The following LYSMD1 variants were observed in gnomAD, a reference collection of about 807,000 sequenced individuals.
The protein encoded by LYSMD1 is LysM domain containing 1.
In LYSMD1, 9 loss-of-function variants were observed where a neutral mutation model predicts 19.3. The observed-to-expected ratio is 0.47, with a 90% CI of 0.28 to 0.81. LYSMD1 has a LOEUF of 0.81. Ranked by LOEUF, LYSMD1 falls within the 40% of genes least tolerant of loss-of-function variation. The pLI, the probability that LYSMD1 is intolerant of heterozygous loss-of-function variation, is 0.11. For synonymous variants in LYSMD1, 111 were observed against 111.7 expected (o/e 0.99, Z 0.04); for missense variants, 262 against 279.8 (o/e 0.94, Z 0.45).
At position 151,161,776 on chromosome 1, in the gene LYSMD1, T is replaced by C. The variant is rs1202081069; in HGVS notation, c.505A>G (p.Lys169Glu). The C allele has an allele frequency of 1.2e-6, 2 of 1,612,864 alleles. No homozygotes were observed. Among genetic ancestry groups the C allele is most frequent in the South Asian group, 2.2e-5 (2 of 90,868 alleles). Residue 169 changes from lysine to glutamate, a missense_variant, in exon 2 of 3, where the codon AAG becomes GAG. By Grantham distance (56) the Lys-to-Glu change is moderately conservative. Coordinates refer to ENST00000368908, the MANE Select transcript of LYSMD1 (RefSeq NM_212551.5). ...TTCAGCTTCTGAGCAGCAGCCTTCT[T>C]GGACAGGCTGATCTGTGAATCAAGC... ...KKLDSQISLS[K>E]KAAAQKLKKG...
chr1:151,164,981 G>C, intron 1 of LYSMD1, 98 bp downstream of exon 1: 1 of 1,016,972 alleles, frequency 9.8e-7, no homozygotes, highest in East Asian at 2.5e-5. Flanking sequence ...AACACATTAG[G>C]AACATTTCAG....
rs587602587 is a variant in LYSMD1, at chr1:151,160,032, A to G, written c.*850T>C. Reference sequence around the variant, plus strand: ...GGGGTGTAACAAAGAGACTCCCACAACTGGCTTCCTCTTCAAACCCCAAGG... The same window carrying G: ...GGGGTGTAACAAAGAGACTCCCACAGCTGGCTTCCTCTTCAAACCCCAAGG... On this transcript the variant is annotated 3_prime_UTR_variant, in exon 3 of 3. Transcript: ENST00000368908. 6.6e-6 allele frequency: 1 copy of G among 151,926 alleles called. No homozygotes were observed. Among genetic ancestry groups the G allele is most frequent in the Admixed American group, 6.6e-5 (1 of 15,220 alleles). The allele number at this position is 151,926 out of a possible 1,614,324, so 9.4% of individuals were successfully genotyped here. A position where few individuals can be genotyped will look rare whatever the true frequency, so the allele number is the denominator to read the frequency against.
In LYSMD1 at chr1:151,160,903, C is replaced by G. The variant is rs748299323; in HGVS notation, c.663G>C (p.Glu221Asp). The change falls in exon 3 of 3, where the codon GAG becomes GAC. Residue 221 changes from glutamate to aspartate, a missense_variant. Physicochemically the swap from Glu to Asp is conservative, Grantham distance 45 (BLOSUM62 2). Transcript: ENST00000368908. Reference protein sequence around the residue: ...TSRTRTLRDQEDEIFKL With the variant: ...TSRTRTLRDQDDEIFKL ...GACATCAGAGTTTGAAGATTTCATC[C>G]TCCTGGTCCCGTAGTGTCCGGGTCC... The G allele has an allele frequency of 6.2e-7, 1 of 1,613,992 alleles. No individual in the cohort carries two copies. Among genetic ancestry groups the G allele is most frequent in the South Asian group, 1.1e-5 (1 of 91,084 alleles).
At chr1:151,151,611 T>A in the LYSMD1 span, among the ~76,000 whole-genome samples, 2 of 151,822 alleles carry the variant, frequency 1.3e-5, no homozygotes, top group Non-Finnish European at 2.9e-5. Flanking sequence ...TCCATTTGGA[T>A]TTTTCATGTT....
intron 1 of LYSMD1, among the ~76,000 whole-genome samples, chr1:151,164,866 T>C (rs2101695323): frequency 6.6e-6 from 1 of 152,326 alleles, no homozygotes; most frequent in Non-Finnish European, 1.5e-5. Flanking sequence ...CTCAGCACAG[T>C]GTCTGGCATA....
chr1:151,160,662 T>G lies in LYSMD1; in HGVS notation c.*220A>C. ...TGAGTCTAAAGGACTCAACTCTAGA[T>G]TCAGCCCAAGAACTGGGAAAGGTCC... On this transcript the variant is annotated 3_prime_UTR_variant, in exon 3 of 3. Coordinates refer to ENST00000368908, the MANE Select transcript of LYSMD1 (RefSeq NM_212551.5). The G allele has an allele frequency of 2.3e-6, 1 of 440,074 alleles. No homozygotes were observed. Among genetic ancestry groups the G allele is most frequent in the Admixed American group, 3.4e-5 (1 of 29,040 alleles). 27.3% of individuals were successfully genotyped at this position (440,074 alleles called of 1,614,324 possible). A position where few individuals can be genotyped will look rare whatever the true frequency, so the allele number is the denominator to read the frequency against.
At chr1:151,155,500 C>T (rs1683196893), downstream of LYSMD1, among the ~76,000 whole-genome samples, 1 of 152,096 alleles carries the variant, frequency 6.6e-6, no homozygotes, top group South Asian at 2.1e-4. Context: ...CTTTGGGAGA[C>T]TAAGGTAGGA....
intron 2 of LYSMD1, 116 bp from the exon 3 acceptor site, chr1:151,161,136 C>T (rs1683431844): frequency 9.5e-7 from 1 of 1,055,492 alleles, no homozygotes; most frequent in East Asian, 2.5e-5. Context: ...TGCTTCAAGA[C>T]AGTCTCAGTA....
chr1:151,153,271 G>T, the LYSMD1 span, among the ~76,000 whole-genome samples: 2 of 152,182 alleles, frequency 1.3e-5, no homozygotes, highest in South Asian at 4.1e-4. Context: ...TGAGGCAGGA[G>T]GTCTGTTTGA....
At chr1:151,162,616 T>C (rs587774293) in intron 1 of LYSMD1, among the ~76,000 whole-genome samples, 1 of 152,326 alleles carries the variant, frequency 6.6e-6, no homozygotes, top group Non-Finnish European at 1.5e-5. Context: ...ATTAACAATG[T>C]CATTAATAAA....
rs994518536 is a variant in LYSMD1, at chr1:151,165,545, T to A, written c.-287A>T. The A allele has an allele frequency of 1.5e-5, 22 of 1,459,278 alleles. No individual in the cohort carries two copies. Among genetic ancestry groups the A allele is most frequent in the Non-Finnish European group, 2.0e-5 (22 of 1,111,992 alleles). 90.4% of individuals were successfully genotyped at this position (1,459,278 alleles called of 1,614,324 possible). A position where few individuals can be genotyped will look rare whatever the true frequency, so the allele number is the denominator to read the frequency against. On this transcript the variant is annotated 5_prime_UTR_variant, in exon 1 of 3. Coordinates refer to ENST00000368908, the MANE Select transcript of LYSMD1 (RefSeq NM_212551.5). ...CCCACAACTCCTCGCTACATTGACC[T>A]CTGACCTTTGAACTCTAGAAATAAT... is the stretch of plus-strand genomic sequence containing the variant.
intron 1 of LYSMD1, among the ~76,000 whole-genome samples, chr1:151,163,502 A>C (rs975271534): frequency 3.3e-5 from 5 of 151,998 alleles, no homozygotes; most frequent in African/African-American, 1.2e-4. Flanking sequence ...GAAACTACAG[A>C]TATAGTGTAT....
the LYSMD1 span, among the ~76,000 whole-genome samples, chr1:151,152,997 A>C: frequency 6.6e-6 from 1 of 152,220 alleles, no homozygotes; most frequent in African/African-American, 2.4e-5. Flanking sequence ...TGTAGATTAT[A>C]CAGTGGAAAG....
chr1:151,156,832 A>G (rs1157874076), downstream of LYSMD1: 1 of 152,186 alleles, frequency 6.6e-6, no homozygotes, highest in Non-Finnish European at 1.5e-5. Context: ...CGCTTGTACA[A>G]TTCTTGGGTC....
At position 151,161,947 on chromosome 1, in the gene LYSMD1, T is replaced by C. The variant is rs1301710880; in HGVS notation, c.334A>G (p.Ser112Gly). The part of the protein sequence containing the change: ...EKDGEEKVHP[S>G]NSEVWPHSTE... ...GAGTGTGGCCAAACTTCACTGTTAC[T>C]TGGGTGTACTTTTTCCTCTCCATCT... Residue 112 changes from serine to glycine, a missense_variant, in exon 2 of 3, where the codon AGT (serine) becomes GGT (glycine). Ser to Gly is a moderately conservative substitution (Grantham distance 56). Coordinates refer to ENST00000368908, the MANE Select transcript of LYSMD1 (RefSeq NM_212551.5). The C allele has an allele frequency of 1.9e-6, 3 of 1,614,182 alleles. No homozygotes were observed. Among genetic ancestry groups the C allele is most frequent in the East Asian group, 2.2e-5 (1 of 44,878 alleles).
intron 1 of LYSMD1, among the ~76,000 whole-genome samples, chr1:151,164,207 A>C (rs942674996): frequency 4.6e-5 from 7 of 152,248 alleles, no homozygotes; most frequent in Admixed American, 1.3e-4. Context: ...ATTCGTTGTT[A>C]ATACCTTTAC....
At chr1:151,149,544 G>A in the LYSMD1 span, among the ~76,000 whole-genome samples, 5 of 152,152 alleles carry the variant, frequency 3.3e-5, no homozygotes, top group Non-Finnish European at 5.9e-5. Context: ...GAGCTCAGGA[G>A]TTCGAGACCA....
At chr1:151,157,348 G>A (rs1683259203), downstream of LYSMD1, among the ~76,000 whole-genome samples, 1 of 152,168 alleles carries the variant, frequency 6.6e-6, no homozygotes, top group African/African-American at 2.4e-5. Context: ...TGGGGGAGAG[G>A]GCGAGGCTGC....
At chr1:151,164,960 G>A (rs1683615416) in intron 1 of LYSMD1, 119 bp downstream of exon 1, 2 of 827,042 alleles carry the variant, frequency 2.4e-6, no homozygotes, top group South Asian at 1.8e-5. Flanking sequence ...GATAAAGGCA[G>A]AACAGAGTGC....
Sources: allele counts gnomAD v4.1 joint callset (sites outside exome capture counted in the v4.1 genomes callset), GRCh38; gene constraint gnomAD v4.1.1; transcripts MANE v1.5; gene names NCBI Gene and HGNC (gene_info 2026-07-23, HGNC 2026-07-21).